NIPBL: variants seen among roughly 807,000 people sequenced by gnomAD.
NIPBL encodes nipped-B-like protein.
A neutral mutation model predicts 321.8 loss-of-function variants in NIPBL; 19 were observed. That is an observed-to-expected ratio of 0.06 (90% CI 0.04 to 0.09). NIPBL has a LOEUF of 0.09. Among genes scored for constraint, NIPBL ranks in the 10% least tolerant of loss-of-function variants. The pLI, the probability that NIPBL is intolerant of heterozygous loss-of-function variation, is 1.00. For synonymous variants in NIPBL, 1,106 were observed against 1,114.1 expected, an observed-to-expected ratio of 0.99 and a Z score of 0.14; for missense variants, 2,210 against 3,327.0, an observed-to-expected ratio of 0.66 and a Z score of 8.26.
intron 1 of NIPBL, among the ~76,000 whole-genome samples, chr5:36,902,151 G>A (rs1747282596): frequency 6.6e-6 from 1 of 151,822 alleles, no homozygotes; most frequent in Admixed American, 6.6e-5. Context: ...ACAGATTCTG[G>A]ATACTAGACC....
At chr5:36,944,339 A>T (rs1739432277) in intron 1 of NIPBL, among the ~76,000 whole-genome samples, 1 of 152,096 alleles carries the variant, frequency 6.6e-6, no homozygotes, top group Non-Finnish European at 1.5e-5. Flanking sequence ...TTCCACGTAT[A>T]CCTTTTCTTG....
chr5:36,928,647 A>G (rs551026591), intron 1 of NIPBL, among the ~76,000 whole-genome samples: 22 of 152,196 alleles, frequency 1.4e-4, no homozygotes, highest in African/African-American at 2.6e-4. Flanking sequence ...TCAGTCCCCA[A>G]ATTTTCCTCA....
At chr5:36,931,210 A>G (rs1749749321) in intron 1 of NIPBL, among the ~76,000 whole-genome samples, 1 of 151,210 alleles carries the variant, frequency 6.6e-6, no homozygotes, top group African/African-American at 2.4e-5. Context: ...CAGAGTTTCT[A>G]TTTCTTGTTG....
At chr5:36,882,896 C>A (rs1433158873) in intron 1 of NIPBL, among the ~76,000 whole-genome samples, 3 of 149,796 alleles carry the variant, frequency 2.0e-5, no homozygotes, top group South Asian at 2.1e-4. Flanking sequence ...AAAAAAAAAA[C>A]CCACCTTGTT....
At chr5:37,015,186 C>T (rs1748798348) in intron 22 of NIPBL, among the ~76,000 whole-genome samples, 2 of 151,672 alleles carry the variant, frequency 1.3e-5, no homozygotes, top group South Asian at 2.1e-4. Flanking sequence ...TGCAATGGCA[C>T]GATCTCAGCT....
Position 36,985,879 on chromosome 5 carries a change from C to G in NIPBL, c.2699C>G (p.Ser900Cys). ...PDSPRVKQGD[S>C]NKSRSDKLGF... ...AGTCCTCGTGTTAAACAAGGAGATT[C>G]TAATAAATCAAGATCTGATAAACTT... is the stretch of plus-strand genomic sequence containing the variant. Residue 900 changes from serine (S) to cysteine (C), a missense_variant, in exon 10 of 47, where the codon TCT (serine) becomes TGT (cysteine). Ser to Cys is a moderately radical substitution (Grantham distance 112). Coordinates refer to ENST00000282516, the MANE Select transcript of NIPBL (RefSeq NM_133433.4). The G allele has an allele frequency of 6.2e-7, 1 of 1,613,788 alleles. No homozygotes were observed. Among genetic ancestry groups the G allele is most frequent in the Non-Finnish European group, 8.5e-7 (1 of 1,179,930 alleles).
intron 34 of NIPBL, among the ~76,000 whole-genome samples, chr5:37,041,252 GTTTTTTTTTTTTT>G (rs1163179336): frequency 4.7e-5 from 3 of 63,996 alleles, no homozygotes; most frequent in East Asian, 4.0e-4. Flanking sequence ...TTATGTGGTG[GTTTTTTTTTTTTT>G]TTTTTTTTTT....
At chr5:37,063,149 G>T (rs546077423) in intron 45 of NIPBL, among the ~76,000 whole-genome samples, 1 of 152,068 alleles carries the variant, frequency 6.6e-6, no homozygotes, top group South Asian at 2.1e-4. Flanking sequence ...CACCAGTTTG[G>T]CCAACATTGC....
At chr5:36,905,083 A>AGGTTGGTT (rs58066881) in intron 1 of NIPBL, among the ~76,000 whole-genome samples, 15 of 152,082 alleles carry the variant, frequency 9.9e-5, no homozygotes, top group Non-Finnish European at 1.9e-4. Context: ...AAGCAAGTTG[A>AGGTTGGTT]GGTTGGTTGG....
chr5:37,051,473 C>G, intron 40 of NIPBL: 2 of 377,362 alleles, frequency 5.3e-6, no homozygotes, highest in East Asian at 1.1e-4. Flanking sequence ...CATTTGTAGT[C>G]TATATCATAA....
At chr5:36,938,203 C>T (rs150554512) in intron 1 of NIPBL, among the ~76,000 whole-genome samples, 32 of 151,932 alleles carry the variant, frequency 2.1e-4, no homozygotes, top group African/African-American at 7.8e-4. Context: ...AGACCATGTC[C>T]AGCCTGGCCC....
chr5:37,051,912 T>A, intron 41 of NIPBL, 26 bp downstream of exon 41: 1 of 1,503,656 alleles, frequency 6.7e-7, no homozygotes, highest in South Asian at 1.1e-5. Flanking sequence ...TTTTATAACC[T>A]AAATTTAAAC....
At chr5:37,000,737 A>G (rs1746696017) in intron 12 of NIPBL, 80 bp from the exon 13 acceptor site, 1 of 1,381,078 alleles carries the variant, frequency 7.2e-7, no homozygotes, top group African/African-American at 1.4e-5. Flanking sequence ...TTTAACGTTC[A>G]GGAAAAAAAC....
At position 37,004,404 on chromosome 5, in the gene NIPBL, T is replaced by G. The variant is rs947469623; in HGVS notation, c.3855+1057T>G. On this transcript the variant is annotated intron_variant, in intron 16 of 46. Transcript: ENST00000282516. ...GATAAATTTTCTTTCTCTCCCTTTTTTTTTTTTCTCCCCTGATAGAGCCAG... is the reference window on the plus strand; with the variant it reads ...GATAAATTTTCTTTCTCTCCCTTTTGTTTTTTTCTCCCCTGATAGAGCCAG... Among the ~76,000 whole-genome samples the G allele has an allele frequency of 2.0e-5, 3 of 152,172 alleles. No homozygotes were observed. In the East Asian group the frequency reaches 5.8e-4, roughly 29 times the overall value.
At chr5:36,993,571 TTAAC>T (rs1385355001) in intron 10 of NIPBL, among the ~76,000 whole-genome samples, 1 of 152,126 alleles carries the variant, frequency 6.6e-6, no homozygotes. Context: ...ATTGTGTTAA[TTAAC>T]AAGGAAAATA....
rs1741707317 is a variant in NIPBL at position 36,962,261 on chromosome 5, A to G, written c.597A>G (p.Pro199=). The G allele has an allele frequency of 1.9e-6, 3 of 1,613,956 alleles. No individual in the cohort carries two copies. The highest frequency in any genetic ancestry group is 2.2e-5 in the East Asian group (1 of 44,898). Residue 199 remains proline (P), a synonymous_variant, in exon 6 of 47, where the codon CCA becomes CCG. Coordinates refer to ENST00000282516, the MANE Select transcript of NIPBL (RefSeq NM_133433.4). ...ATCCTTCAAGTTACACAACACATCCACAGATGCAACAAGGTAAGAAAGTTG... is the reference window on the plus strand; with the variant it reads ...ATCCTTCAAGTTACACAACACATCCGCAGATGCAACAAGGTAAGAAAGTTG... ...YSHPSSYTTH[P]QMQQASVSSP...
At chr5:36,925,556 G>T (rs139667794) in intron 1 of NIPBL, among the ~76,000 whole-genome samples, 1 of 152,090 alleles carries the variant, frequency 6.6e-6, no homozygotes, top group African/African-American at 2.4e-5. Context: ...ATGAGCCACC[G>T]CGCCCAGCCA....
intron 21 of NIPBL, among the ~76,000 whole-genome samples, chr5:37,013,044 A>ACCC (rs529922831): frequency 7.9e-6 from 1 of 126,468 alleles, no homozygotes; most frequent in African/African-American, 2.9e-5. Flanking sequence ...CGGGGGGCTG[A>ACCC]CCCCCCCCCA....
chr5:36,993,170 A>C (rs955498311), intron 10 of NIPBL, among the ~76,000 whole-genome samples: 5 of 152,232 alleles, frequency 3.3e-5, no homozygotes, highest in African/African-American at 1.2e-4. Context: ...ATTCTGTTCA[A>C]AATGAAACAG....
Sources: allele counts gnomAD v4.1 joint callset (sites outside exome capture counted in the v4.1 genomes callset), GRCh38; gene constraint gnomAD v4.1.1; transcripts MANE v1.5; gene names NCBI Gene and HGNC (gene_info 2026-07-23, HGNC 2026-07-21).